Variants in ARID3B observed in about 807,000 individuals in gnomAD.
ARID3B encodes AT-rich interactive domain-containing protein 3B.
A neutral mutation model predicts 51.9 loss-of-function variants in ARID3B; 10 were observed. The ratio of observed to expected loss-of-function variants is 0.19; its 90% CI spans 0.12 to 0.33. The LOEUF is 0.33. ARID3B is among the 10% of genes least tolerant of loss of function. The pLI is 1.00. For missense variants in ARID3B, 483 were observed against 716.3 expected (o/e 0.67, Z 3.72); for synonymous variants, 205 against 279.5 (o/e 0.73, Z 2.66).
At chr15:74,543,828 C>G in intron 1 of ARID3B, 32 bp from the exon 2 acceptor site, 6 of 1,422,908 alleles carry the variant, frequency 4.2e-6, no homozygotes, top group Non-Finnish European at 5.7e-6. Context: ...TTTTTTCCCC[C>G]TCCTTCTTTG....
chr15:74,575,170 C>T (rs1475366823), intron 4 of ARID3B, among the ~76,000 whole-genome samples: 1 of 152,142 alleles, frequency 6.6e-6, no homozygotes, highest in Non-Finnish European at 1.5e-5. Flanking sequence ...AACCCAGGAG[C>T]TGATCCTGTC....
chr15:74,594,184 C>T (rs142628617), intron 8 of ARID3B, among the ~76,000 whole-genome samples: 4 of 152,190 alleles, frequency 2.6e-5, no homozygotes, highest in Admixed American at 6.5e-5. Context: ...CGCGGTGGCT[C>T]ACGCCTGTAA....
At chr15:74,560,031 T>TAAA (rs71137394) in intron 2 of ARID3B, among the ~76,000 whole-genome samples, 6 of 35,628 alleles carry the variant, frequency 1.7e-4, no homozygotes, top group African/African-American at 2.7e-4. Context: ...CTGTCTCTAC[T>TAAA]AAAAAAAAAA....
chr15:74,551,717 T>C (rs1323889048), intron 2 of ARID3B, among the ~76,000 whole-genome samples: 4 of 152,254 alleles, frequency 2.6e-5, no homozygotes, highest in Non-Finnish European at 2.9e-5. Flanking sequence ...GAGACCACTT[T>C]TAAAAAATTT....
chr15:74,570,184 G>T (rs974503153), intron 2 of ARID3B, among the ~76,000 whole-genome samples: 2 of 152,076 alleles, frequency 1.3e-5, no homozygotes, highest in African/African-American at 2.4e-5. Context: ...TCTCTTGCAG[G>T]TTGGACAAAG....
chr15:74,550,877 A>G (rs1405636501), intron 2 of ARID3B, among the ~76,000 whole-genome samples: 1 of 152,182 alleles, frequency 6.6e-6, no homozygotes, highest in African/African-American at 2.4e-5. Context: ...TTACAAAGGT[A>G]GAAGAAAAAT....
chr15:74,570,165 C>T (rs908873285), intron 2 of ARID3B, among the ~76,000 whole-genome samples: 1 of 152,134 alleles, frequency 6.6e-6, no homozygotes, highest in Non-Finnish European at 1.5e-5. Context: ...CACCATCTGA[C>T]TGTCAGATTC....
intron 4 of ARID3B, among the ~76,000 whole-genome samples, chr15:74,579,889 G>A (rs938322165): frequency 7.4e-5 from 11 of 149,434 alleles, no homozygotes; most frequent in Non-Finnish European, 1.2e-4. Context: ...GCGCGCACAC[G>A]CAAAAAATAC....
At chr15:74,557,913 C>T (rs1406794725) in intron 2 of ARID3B, among the ~76,000 whole-genome samples, 2 of 148,590 alleles carry the variant, frequency 1.3e-5, no homozygotes, top group Non-Finnish European at 1.5e-5. Context: ...GCACTGCCTT[C>T]AGGGTTCATG....
intron 2 of ARID3B, among the ~76,000 whole-genome samples, chr15:74,558,123 C>T (rs2061666088): frequency 6.7e-6 from 1 of 148,742 alleles, no homozygotes; most frequent in African/African-American, 2.5e-5. Context: ...CCCGGCCTTT[C>T]AACTTACTTT....
At chr15:74,590,356 CCTGGG>C (rs1348503312) in intron 5 of ARID3B, among the ~76,000 whole-genome samples, 6 of 152,214 alleles carry the variant, frequency 3.9e-5, no homozygotes, top group Non-Finnish European at 7.3e-5. Flanking sequence ...GAGATTCAGA[CCTGGG>C]CTTCTGTCTC....
At chr15:74,557,770 A>T (rs1439991298) in intron 2 of ARID3B, among the ~76,000 whole-genome samples, 1 of 141,112 alleles carries the variant, frequency 7.1e-6, no homozygotes, top group African/African-American at 2.6e-5. Flanking sequence ...TTTCTTTTTG[A>T]CTCTGCTATT....
chr15:74,587,404 G>C (rs2061785485), intron 4 of ARID3B, among the ~76,000 whole-genome samples: 1 of 152,212 alleles, frequency 6.6e-6, no homozygotes, highest in Non-Finnish European at 1.5e-5. Flanking sequence ...GCTGACACGA[G>C]GTTCCTGCCT....
rs141802888 is a variant in ARID3B at position 74,598,108 on chromosome 15, A to T, written c.*2334A>T. The T allele has an allele frequency of 2.9e-4, 140 of 488,750 alleles. 1 individual carries two copies. The highest frequency in any genetic ancestry group is 2.4e-3 in the African/African-American group (127 of 52,392). 30.3% of individuals were successfully genotyped at this position (488,750 alleles called of 1,614,324 possible). ...CATGTTCTCGAATGTTTATATTTCA[A>T]TAAACCTCTACCTCTTCACACAAGC... is the stretch of plus-strand genomic sequence containing the variant. On this transcript the variant is annotated 3_prime_UTR_variant, in exon 9 of 9. Transcript: ENST00000346246.
In ARID3B at chr15:74,593,141, A is replaced by G. The variant is rs1268803077; in HGVS notation, c.1424A>G (p.Asp475Gly). The change falls in exon 8 of 9, where the codon GAC (aspartate) becomes GGC (glycine). Residue 475 changes from aspartate to glycine, a missense_variant. Transcript: ENST00000346246. ...PMKIRINGREDRAEASAAALN... is the reference protein window; with the variant it reads ...PMKIRINGREGRAEASAAALN... ...ACTGTCTCCCTGTCCCCAGCAGAAG[A>G]CAGAGCAGAGGCCTCGGCTGCAGCA... 6.2e-7 allele frequency: 1 copy of G among 1,612,714 alleles called. No individual in the cohort carries two copies. Among genetic ancestry groups the G allele is most frequent in the African/African-American group, 1.3e-5 (1 of 75,008 alleles).
At position 74,593,341 on chromosome 15, in the gene ARID3B, G is replaced by C. The variant is rs578169365; in HGVS notation, c.1519+105G>C. 82 of 1,021,132 alleles carry C rather than the reference G, an allele frequency of 8.0e-5. 1 individual carries two copies. The South Asian group carries it at 1.2e-3, about 15-fold the overall frequency. The allele number at this position is 1,021,132 out of a possible 1,614,324, so 63.3% of individuals were successfully genotyped here. ...ACCCTCTGTCTGAACACCTCCCACA[G>C]TGGCTTCCTTTTTCCTGGTCTCAGA... On this transcript the variant is annotated intron_variant, in intron 8 of 8. Coordinates refer to ENST00000346246, the MANE Select transcript of ARID3B (RefSeq NM_006465.4).
intron 1 of ARID3B, among the ~76,000 whole-genome samples, chr15:74,543,375 T>A (rs1307828656): frequency 6.6e-6 from 1 of 152,190 alleles, no homozygotes; most frequent in Non-Finnish European, 1.5e-5. Context: ...AGCTTAGAGG[T>A]GATATCTTTC....
intron 4 of ARID3B, among the ~76,000 whole-genome samples, chr15:74,579,151 A>G (rs1359610559): frequency 2.6e-5 from 4 of 152,322 alleles, no homozygotes; most frequent in Middle Eastern, 6.8e-3. Flanking sequence ...GGGACGGGCC[A>G]TAACTGCTGC....
At chr15:74,584,567 TG>T (rs1373176614) in intron 4 of ARID3B, among the ~76,000 whole-genome samples, 1 of 152,216 alleles carries the variant, frequency 6.6e-6, no homozygotes, top group Non-Finnish European at 1.5e-5. Flanking sequence ...TGTTTGCTTC[TG>T]GACTTCCCTG....
Sources: allele counts gnomAD v4.1 joint callset (sites outside exome capture counted in the v4.1 genomes callset), GRCh38; gene constraint gnomAD v4.1.1; transcripts MANE v1.5; gene names NCBI Gene and HGNC (gene_info 2026-07-23, HGNC 2026-07-21).